The following PRP4K variants were observed in gnomAD, a reference collection of about 807,000 sequenced individuals.
The protein encoded by PRP4K is pre-mRNA processing factor kinase PRP4K.
the PRP4K span, among the ~76,000 whole-genome samples, chr6:4,050,741 TAGAA>T: frequency 6.6e-6 from 1 of 152,230 alleles, no homozygotes; most frequent in Non-Finnish European, 1.5e-5. Context: ...GCCCTAGGCT[TAGAA>T]AGGACCTTGT....
the PRP4K span, among the ~76,000 whole-genome samples, chr6:4,035,739 G>C: frequency 6.6e-6 from 1 of 152,102 alleles, no homozygotes. Flanking sequence ...AGGCTGAGAC[G>C]GGTGGATCAC....
chr6:4,049,763 T>G, the PRP4K span: 1 of 1,613,260 alleles, frequency 6.2e-7, no homozygotes, highest in African/African-American at 1.3e-5. Context: ...TAGATAAACG[T>G]TACAATGTGT....
chr6:4,064,776 A>G, the PRP4K span: 1 of 152,546 alleles, frequency 6.6e-6, no homozygotes, highest in Non-Finnish European at 1.5e-5. Flanking sequence ...GGCATCCTTA[A>G]TTTTTCTTCT....
the PRP4K span, chr6:4,056,475 T>C: frequency 4.0e-5 from 65 of 1,610,922 alleles, 2 homozygotes; most frequent in South Asian, 7.1e-4. Flanking sequence ...CCATCATATG[T>C]GGTGGAAACC....
the PRP4K span, among the ~76,000 whole-genome samples, chr6:4,027,608 T>C: frequency 3.2e-5 from 1 of 30,938 alleles, no homozygotes; most frequent in Non-Finnish European, 6.1e-5. Context: ...GGTGGGGGGG[T>C]GGGGTGGGGG....
the PRP4K span, among the ~76,000 whole-genome samples, chr6:4,057,963 T>A: frequency 6.6e-6 from 1 of 152,178 alleles, no homozygotes; most frequent in Admixed American, 6.5e-5. Context: ...TTCTAAAGAT[T>A]TACACATTTT....
At chr6:4,057,234 C>CTTTAA in the PRP4K span, 1 of 1,568,578 alleles carries the variant, frequency 6.4e-7, no homozygotes, top group Non-Finnish European at 8.7e-7. Context: ...TTCTTATTAA[C>CTTTAA]TGACAAGACT....
the PRP4K span, chr6:4,037,643 G>C: frequency 1.1e-5 from 16 of 1,432,166 alleles, no homozygotes; most frequent in South Asian, 2.3e-4. Context: ...CACTTGGTAG[G>C]TTTTCTTTTA....
the PRP4K span, among the ~76,000 whole-genome samples, chr6:4,038,663 C>T: frequency 6.6e-6 from 1 of 151,998 alleles, no homozygotes; most frequent in African/African-American, 2.4e-5. Context: ...CATTGTGATC[C>T]TGTATGTATT....
At chr6:4,023,777 T>A in the PRP4K span, among the ~76,000 whole-genome samples, 2 of 152,166 alleles carry the variant, frequency 1.3e-5, no homozygotes, top group Non-Finnish European at 1.5e-5. Flanking sequence ...ACAGTAACAT[T>A]ATCATGGCTC....
At chr6:4,021,317 T>C in the PRP4K span, 1 of 1,451,200 alleles carries the variant, frequency 6.9e-7, no homozygotes, top group Non-Finnish European at 9.4e-7. Flanking sequence ...AGCTCTTCCC[T>C]ACACGGTCGG....
At chr6:4,062,405 G>A in the PRP4K span, 2 of 152,574 alleles carry the variant, frequency 1.3e-5, no homozygotes, top group Admixed American at 6.6e-5. This position sits in a 1 kb window ranked among gnomAD's most constrained non-coding sequence, Gnocchi z 4.2. Flanking sequence ...TTATTAACAT[G>A]GTAGAAGAGA....
chr6:4,023,175 A>G, the PRP4K span, among the ~76,000 whole-genome samples: 34 of 152,366 alleles, frequency 2.2e-4, 1 homozygote, highest in African/African-American at 7.7e-4. Flanking sequence ...TGGTGCTCAT[A>G]GTGAGTCCCT....
chr6:4,042,712 A>G, the PRP4K span: 2 of 592,186 alleles, frequency 3.4e-6, no homozygotes, highest in African/African-American at 1.9e-5. Flanking sequence ...TGAAAAAATG[A>G]TCTTTTTTTA....
the PRP4K span, chr6:4,056,700 A>C: frequency 6.5e-7 from 1 of 1,540,032 alleles, no homozygotes; most frequent in Non-Finnish European, 8.7e-7. Context: ...TCTGATTATC[A>C]CATTTATGGA....
chr6:4,050,409 C>T, the PRP4K span: 1 of 554,914 alleles, frequency 1.8e-6, no homozygotes, highest in Non-Finnish European at 3.0e-6. Flanking sequence ...ATTTTTAATT[C>T]AGTGCATTTT....
the PRP4K span, chr6:4,049,208 C>A: frequency 3.8e-6 from 4 of 1,050,006 alleles, no homozygotes; most frequent in Non-Finnish European, 5.6e-6. Context: ...TGAAAAATCA[C>A]ATCACAGTGC....
the PRP4K span, among the ~76,000 whole-genome samples, chr6:4,045,884 A>G: frequency 6.6e-6 from 1 of 152,286 alleles, no homozygotes; most frequent in Non-Finnish European, 1.5e-5. Flanking sequence ...TTTAGGAATC[A>G]TCTTTTTTTC....
the PRP4K span, chr6:4,060,598 C>T: frequency 6.2e-7 from 1 of 1,612,472 alleles, no homozygotes; most frequent in Non-Finnish European, 8.5e-7. This position sits in a 1 kb window ranked among gnomAD's most constrained non-coding sequence, Gnocchi z 4.7. Context: ...AGCACGCCTT[C>T]ATCCAGGAAA....
Sources: gnomAD v4.1 joint callset for allele counts (sites outside exome capture counted in the v4.1 genomes callset) on GRCh38, gnomAD v4.1.1 for gene constraint, Gnocchi (gnomAD v3.1) non-coding constraint, MANE v1.5 for transcripts, NCBI Gene and HGNC (gene_info 2026-07-23, HGNC 2026-07-21) for gene names.